TMX1: variants seen among roughly 807,000 people sequenced by gnomAD.
TMX1 encodes the protein thioredoxin related transmembrane protein 1, also known as thioredoxin-related transmembrane protein 1.
TMX1 carries 25 observed loss-of-function variants against 36.6 expected under a neutral mutation model. The observed-to-expected ratio is 0.68, with a 90% CI of 0.50 to 0.95. The LOEUF is 0.95. TMX1 is among the 40% of genes least tolerant of loss of function. TMX1 has a pLI of 0.00. For synonymous variants in TMX1, 133 were observed against 118.0 expected, an observed-to-expected ratio of 1.13 and a Z score of -0.82; for missense variants, 347 against 339.6, an observed-to-expected ratio of 1.02 and a Z score of -0.17.
At chr14:51,241,072 T>C (rs1263559177) in intron 1 of TMX1, among the ~76,000 whole-genome samples, 1 of 152,202 alleles carries the variant, frequency 6.6e-6, no homozygotes, top group Non-Finnish European at 1.5e-5. Flanking sequence ...TCATTTTTCC[T>C]TTGGGTGTCT....
chr14:51,241,167 ACT>A (rs1411222751), intron 1 of TMX1, among the ~76,000 whole-genome samples: 1 of 152,018 alleles, frequency 6.6e-6, no homozygotes, highest in Non-Finnish European at 1.5e-5. Context: ...TAATGTATAC[ACT>A]CTCAAGAGCG....
chr14:51,254,647 G>C lies in TMX1; in HGVS notation c.*128G>C. 1 of 793,958 alleles carries C rather than the reference G, an allele frequency of 1.3e-6. No individual in the cohort carries two copies. The highest frequency in any genetic ancestry group is 1.9e-6 in the Non-Finnish European group (1 of 516,652). The allele number at this position is 793,958 out of a possible 1,614,324, so 49.2% of individuals were successfully genotyped here. On this transcript the variant is annotated 3_prime_UTR_variant, in exon 8 of 8. Coordinates refer to ENST00000457354, the MANE Select transcript of TMX1 (RefSeq NM_030755.5). ...GTTCAGTCTAGATTGTCATTAAATT[G>C]AAGAGTCTACATTCAGAACATAAAA...
intron 2 of TMX1, among the ~76,000 whole-genome samples, chr14:51,244,659 A>G (rs1273055734): frequency 1.3e-5 from 2 of 152,120 alleles, no homozygotes; most frequent in Admixed American, 1.3e-4. Flanking sequence ...TGGCTGTCCC[A>G]TCCCAAATGG....
At chr14:51,240,540 G>A in intron 1 of TMX1, 96 bp downstream of exon 1, 3 of 1,475,566 alleles carry the variant, frequency 2.0e-6, no homozygotes, top group Non-Finnish European at 2.7e-6. Flanking sequence ...CCAGGACTGC[G>A]CCTCCGAGTT....
At chr14:51,245,206 A>G in intron 2 of TMX1, 107 bp from the exon 3 acceptor site, 2 of 1,295,886 alleles carry the variant, frequency 1.5e-6, no homozygotes, top group Non-Finnish European at 1.1e-6. Context: ...TATTAGGTAT[A>G]ATTTCATATT....
intron 2 of TMX1, 89 bp downstream of exon 2, chr14:51,244,060 C>G (rs2065774652): frequency 9.2e-7 from 1 of 1,082,346 alleles, no homozygotes; most frequent in Non-Finnish European, 1.3e-6. Context: ...CTTAATTCTA[C>G]CTTTCTTTAG....
At chr14:51,248,055 A>G (rs1007106243) in intron 4 of TMX1, among the ~76,000 whole-genome samples, 7 of 152,380 alleles carry the variant, frequency 4.6e-5, no homozygotes, top group Middle Eastern at 3.4e-3. Context: ...AACTTCTTAT[A>G]TGAATAGTGT....
Position 51,249,829 on chromosome 14 carries a change from A to G in TMX1, c.664+64A>G, listed in dbSNP as rs1321867130. 8 of 1,282,480 alleles carry G rather than the reference A, an allele frequency of 6.2e-6. No homozygotes were observed. In the Admixed American group the frequency reaches 6.8e-5, roughly 11 times the overall value. The allele number at this position is 1,282,480 out of a possible 1,614,324, so 79.4% of individuals were successfully genotyped here. A position where few individuals can be genotyped will look rare whatever the true frequency, so the allele number is the denominator to read the frequency against. On this transcript the variant is annotated intron_variant, in intron 7 of 7. Coordinates refer to ENST00000457354, the MANE Select transcript of TMX1 (RefSeq NM_030755.5). ...AGTCCTATTCATTTCTGTAATCACA[A>G]TCACACATTTCACAGGTTGCTCTTC...
At chr14:51,251,073 T>C (rs1477516556) in intron 7 of TMX1, among the ~76,000 whole-genome samples, 1 of 152,246 alleles carries the variant, frequency 6.6e-6, no homozygotes, top group African/African-American at 2.4e-5. Context: ...AAATGTTTAC[T>C]CACCAACTTT....
At chr14:51,244,426 G>A (rs930302218) in intron 2 of TMX1, among the ~76,000 whole-genome samples, 2 of 152,184 alleles carry the variant, frequency 1.3e-5, no homozygotes, top group African/African-American at 2.4e-5. Context: ...TCAAGGTCAC[G>A]TTCCCTGACA....
Position 51,240,366 on chromosome 14 carries a change from A to C in TMX1, c.74A>C (p.His25Pro). ...TTGCTTTGGGGTGCTCCCTGGACGCACGGGCGGCGGAGCAACGTTCGCGTC... is the reference window on the plus strand; with the variant it reads ...TTGCTTTGGGGTGCTCCCTGGACGCCCGGGCGGCGGAGCAACGTTCGCGTC... ...VLLLWGAPWT[H>P]GRRSNVRVIT... The change falls in exon 1 of 8, where the codon CAC (histidine) becomes CCC (proline). Residue 25 changes from histidine to proline, a missense_variant. Transcript: ENST00000457354. The C allele has an allele frequency of 6.2e-7, 1 of 1,614,048 alleles. No individual in the cohort carries two copies. Among genetic ancestry groups the C allele is most frequent in the Non-Finnish European group, 8.5e-7 (1 of 1,180,006 alleles).
At chr14:51,244,070 G>T in intron 2 of TMX1, 99 bp downstream of exon 2, 2 of 1,022,596 alleles carry the variant, frequency 2.0e-6, no homozygotes, top group Non-Finnish European at 2.7e-6. Context: ...CCTTTCTTTA[G>T]GTTTTGAAAA....
intron 1 of TMX1, 56 bp downstream of exon 1, chr14:51,240,500 CG>C (rs1247413709): frequency 6.3e-7 from 1 of 1,575,618 alleles, no homozygotes; most frequent in Non-Finnish European, 8.6e-7. Flanking sequence ...GACTTCACCC[CG>C]CACGTTCCTC....
intron 4 of TMX1, among the ~76,000 whole-genome samples, chr14:51,247,790 T>A (rs1251835263): frequency 2.0e-5 from 3 of 152,192 alleles, no homozygotes; most frequent in Non-Finnish European, 4.4e-5. Flanking sequence ...TTTGGTCATA[T>A]GTATCATCAA....
At position 51,247,210 on chromosome 14, in the gene TMX1, G is replaced by T. The variant is rs758093649; in HGVS notation, c.433G>T (p.Gly145Cys). The T allele has an allele frequency of 6.2e-7, 1 of 1,611,798 alleles. No homozygotes were observed. Among genetic ancestry groups the T allele is most frequent in the South Asian group, 1.1e-5 (1 of 90,614 alleles). Residue 145 changes from glycine (G) to cysteine (C), a missense_variant, in exon 4 of 8, where the codon GGT becomes TGT. Gly to Cys is a radical substitution (Grantham distance 159). Transcript: ENST00000457354. ...IEPVSSWFGPGSVLMSSMSAL... is the reference protein window; with the variant it reads ...IEPVSSWFGPCSVLMSSMSAL... ...GCCCGTTTCATCATGGTTTGGTCCA[G>T]GTTCTGTTCTGTAAGTATGAGGGCT...
rs570948443 is a variant in TMX1, at chr14:51,255,916, A to T, written c.*1397A>T. The T allele has an allele frequency of 6.6e-6, 1 of 152,638 alleles. No individual in the cohort carries two copies. The highest frequency in any genetic ancestry group is 2.1e-4 in the South Asian group (1 of 4,822). 9.5% of individuals were successfully genotyped at this position (152,638 alleles called of 1,614,324 possible). On this transcript the variant is annotated 3_prime_UTR_variant, in exon 8 of 8. Transcript: ENST00000457354. Reference sequence around the variant, plus strand: ...TAGATTTACAGTATCGTAATATACAAGTTTTCTTTAAAGCCCTCTCCTTTA... The same window carrying T: ...TAGATTTACAGTATCGTAATATACATGTTTTCTTTAAAGCCCTCTCCTTTA...
chr14:51,254,601 G>T lies in TMX1; in HGVS notation c.*82G>T. The T allele has an allele frequency of 7.7e-7, 1 of 1,304,330 alleles. No individual in the cohort carries two copies. The highest frequency in any genetic ancestry group is 1.4e-5 in the South Asian group (1 of 69,928). The allele number at this position is 1,304,330 out of a possible 1,614,324, so 80.8% of individuals were successfully genotyped here. ...TTTTGTTTGGTTTGAAGTGAACTGT[G>T]ACTTTTTTGAATATTGCAGGGTTCA... On this transcript the variant is annotated 3_prime_UTR_variant, in exon 8 of 8. Coordinates refer to ENST00000457354, the MANE Select transcript of TMX1 (RefSeq NM_030755.5).
chr14:51,247,344 C>T (rs933649471), intron 4 of TMX1, 124 bp downstream of exon 4: 46 of 592,210 alleles, frequency 7.8e-5, no homozygotes, highest in Admixed American at 1.3e-4. Context: ...ACATTTATTA[C>T]ATGTTTGATT....
Position 51,255,889 on chromosome 14 carries a change from A to G in TMX1, c.*1370A>G, listed in dbSNP as rs1422586266. The G allele has an allele frequency of 6.6e-6, 1 of 152,508 alleles. No homozygotes were observed. The highest frequency in any genetic ancestry group is 1.5e-5 in the Non-Finnish European group (1 of 67,954). The allele number at this position is 152,508 out of a possible 1,614,324, so 9.4% of individuals were successfully genotyped here. On this transcript the variant is annotated 3_prime_UTR_variant, in exon 8 of 8. Transcript: ENST00000457354. ...CTAGGCTCTGTTGCTGTGTGAATCC[A>G]TTAGATTTACAGTATCGTAATATAC...
Sources: gnomAD v4.1 joint callset for allele counts (sites outside exome capture counted in the v4.1 genomes callset) on GRCh38, gnomAD v4.1.1 for gene constraint, MANE v1.5 for transcripts, NCBI Gene and HGNC (gene_info 2026-07-23, HGNC 2026-07-21) for gene names.